CSMD1: variants seen among roughly 807,000 people sequenced by gnomAD.
CSMD1 encodes the protein CUB and Sushi multiple domains 1, also known as CUB and sushi domain-containing protein 1.
Under a neutral mutation model 417.5 loss-of-function variants are expected in CSMD1, and 213 were observed. That is an observed-to-expected ratio of 0.51 (90% confidence interval 0.46 to 0.57). The LOEUF is 0.57. Among genes scored for constraint, CSMD1 ranks in the 20% least tolerant of loss-of-function variants. The pLI is 0.00. For synonymous variants in CSMD1, 2,862 were observed against 1,736.8 expected, an observed-to-expected ratio of 1.65 and a Z score of -16.11; for missense variants, 6,923 against 4,529.7, an observed-to-expected ratio of 1.53 and a Z score of -15.17.
chr8:3,364,368 C>T (rs1052202921), intron 20 of CSMD1, among the ~76,000 whole-genome samples: 3 of 152,142 alleles, frequency 2.0e-5, no homozygotes, highest in South Asian at 2.1e-4. Flanking sequence ...ATTTCTTCTG[C>T]AGGCTTTAGG....
intron 3 of CSMD1, among the ~76,000 whole-genome samples, chr8:4,409,808 C>A (rs146224669): frequency 6.6e-6 from 1 of 151,918 alleles, no homozygotes; most frequent in Non-Finnish European, 1.5e-5. Flanking sequence ...ATAACAATAC[C>A]GTACTTTTAG....
intron 12 of CSMD1, among the ~76,000 whole-genome samples, chr8:3,467,159 C>G (rs1444496603): frequency 6.6e-6 from 1 of 152,152 alleles, no homozygotes; most frequent in Non-Finnish European, 1.5e-5. Context: ...AAATATGACA[C>G]ATAGAAGAAT....
At chr8:4,048,218 G>GT (rs1563362755) in intron 3 of CSMD1, among the ~76,000 whole-genome samples, 2 of 152,204 alleles carry the variant, frequency 1.3e-5, no homozygotes, top group East Asian at 3.9e-4. Flanking sequence ...ATAACATACC[G>GT]TTCTTTGTTA....
chr8:3,512,093 C>A (rs906969144), intron 10 of CSMD1, among the ~76,000 whole-genome samples: 2 of 152,138 alleles, frequency 1.3e-5, no homozygotes, highest in East Asian at 3.9e-4. Context: ...TGTGATTTGA[C>A]CTCCTCATAT....
chr8:3,905,892 A>G (rs1316200943), intron 5 of CSMD1, among the ~76,000 whole-genome samples: 3 of 152,130 alleles, frequency 2.0e-5, no homozygotes, highest in African/African-American at 7.2e-5. Context: ...ATCTCTTACT[A>G]TTTATTTGCT....
At chr8:3,988,527 G>A (rs771004593) in intron 5 of CSMD1, among the ~76,000 whole-genome samples, 1 of 152,218 alleles carries the variant, frequency 6.6e-6, no homozygotes, top group Non-Finnish European at 1.5e-5. Flanking sequence ...GTCAGAAACA[G>A]AGAATCTCTG....
intron 41 of CSMD1, among the ~76,000 whole-genome samples, chr8:3,118,846 T>A (rs1817020856): frequency 6.6e-6 from 1 of 152,200 alleles, no homozygotes. Context: ...AATTTTATAA[T>A]GCTTACCTTG....
intron 37 of CSMD1, among the ~76,000 whole-genome samples, chr8:3,166,965 T>A (rs1165890209): frequency 6.6e-6 from 1 of 152,158 alleles, no homozygotes; most frequent in Non-Finnish European, 1.5e-5. Context: ...TAATATATCA[T>A]ATGGGGTGAA....
intron 5 of CSMD1, among the ~76,000 whole-genome samples, chr8:3,886,668 G>T (rs1425747693): frequency 6.6e-6 from 1 of 152,138 alleles, no homozygotes; most frequent in Non-Finnish European, 1.5e-5. Flanking sequence ...AACAGCTACT[G>T]ATGATTCAAA....
At chr8:4,594,445 G>C (rs577281567) in intron 2 of CSMD1, among the ~76,000 whole-genome samples, 1 of 151,726 alleles carries the variant, frequency 6.6e-6, no homozygotes, top group African/African-American at 2.4e-5. Context: ...AGTAATCCAC[G>C]CATCTCAGCC....
In CSMD1 at chr8:3,754,044, T is replaced by G; in HGVS notation, c.819-2A>C. 1 of 1,605,666 alleles carries G rather than the reference T, an allele frequency of 6.2e-7. No homozygotes were observed. The highest frequency in any genetic ancestry group is 8.5e-7 in the Non-Finnish European group (1 of 1,173,632). On this transcript the variant is annotated splice_acceptor_variant, in intron 5 of 69. Coordinates refer to ENST00000635120, the MANE Select transcript of CSMD1 (RefSeq NM_033225.6). LOFTEE classifies it high-confidence loss of function. ...GAGGGGAGGTTCATGCCAGTTAGCC[T>G]AGAGAAGAGAAAGAGGAAAAAAATC...
intron 9 of CSMD1, 128 bp from the exon 10 acceptor site, chr8:3,575,194 A>G: frequency 1.0e-6 from 1 of 972,842 alleles, no homozygotes; most frequent in Non-Finnish European, 1.5e-6. Flanking sequence ...AAAATGGTGC[A>G]TGGACTCCAA....
chr8:3,601,126 A>T (rs1199287033), intron 8 of CSMD1, among the ~76,000 whole-genome samples: 1 of 152,028 alleles, frequency 6.6e-6, no homozygotes, highest in Non-Finnish European at 1.5e-5. Context: ...TCACTGCTAG[A>T]TGTAGGTTTG....
intron 10 of CSMD1, among the ~76,000 whole-genome samples, chr8:3,513,200 T>G (rs941229649): frequency 4.6e-5 from 7 of 151,974 alleles, no homozygotes; most frequent in African/African-American, 1.7e-4. Context: ...GGGAAAAAAA[T>G]AGTTACATAC....
chr8:3,364,135 A>C (rs887255902), intron 20 of CSMD1, among the ~76,000 whole-genome samples: 1 of 151,890 alleles, frequency 6.6e-6, no homozygotes, highest in African/African-American at 2.4e-5. Context: ...TTGTATAATA[A>C]AGTTGCTAGT....
chr8:3,491,551 C>G (rs764373215), intron 11 of CSMD1, among the ~76,000 whole-genome samples: 1 of 152,126 alleles, frequency 6.6e-6, no homozygotes, highest in Non-Finnish European at 1.5e-5. Context: ...AATGGGCCAG[C>G]AGGAAGATAA....
At chr8:4,160,174 G>C (rs144265654) in intron 3 of CSMD1, among the ~76,000 whole-genome samples, 5 of 151,952 alleles carry the variant, frequency 3.3e-5, no homozygotes, top group South Asian at 2.1e-4. Flanking sequence ...TACTGACTAA[G>C]ACTTAAGGGG....
intron 10 of CSMD1, among the ~76,000 whole-genome samples, chr8:3,562,342 G>A (rs375528355): frequency 1.1e-5 from 1 of 87,384 alleles, no homozygotes; most frequent in East Asian, 2.8e-4. Context: ...CTGCATCTTG[G>A]TCAGTATTGC....
At chr8:3,064,702 CA>C (rs1182940149) in intron 49 of CSMD1, among the ~76,000 whole-genome samples, 1 of 151,808 alleles carries the variant, frequency 6.6e-6, no homozygotes, top group Non-Finnish European at 1.5e-5. Context: ...CGCATTTTCT[CA>C]AAGTTGGCCA....
Sources: gnomAD v4.1 joint callset for allele counts (sites outside exome capture counted in the v4.1 genomes callset) on GRCh38, gnomAD v4.1.1 for gene constraint, MANE v1.5 for transcripts, NCBI Gene and HGNC (gene_info 2026-07-23, HGNC 2026-07-21) for gene names.